GRM8: variants seen among roughly 807,000 people sequenced by gnomAD.
The protein encoded by GRM8 is metabotropic glutamate receptor 8.
Under a neutral mutation model 87.2 loss-of-function variants are expected in GRM8, and 47 were observed. The observed-to-expected ratio is 0.54, with a 90% confidence interval of 0.43 to 0.69. GRM8 has a LOEUF of 0.69. Ranked by LOEUF, GRM8 falls within the 30% of genes least tolerant of loss-of-function variation. The pLI is 0.00. For missense variants in GRM8, 1,019 were observed against 1,139.2 expected, an observed-to-expected ratio of 0.89 and a Z score of 1.52; for synonymous variants, 396 against 404.5, an observed-to-expected ratio of 0.98 and a Z score of 0.25.
intron 7 of GRM8, among the ~76,000 whole-genome samples, chr7:126,732,853 T>C (rs1344810629): frequency 6.6e-6 from 1 of 152,174 alleles, no homozygotes; most frequent in African/African-American, 2.4e-5. Flanking sequence ...AAATCCTGTT[T>C]AGTTTAAAGG....
intron 6 of GRM8, among the ~76,000 whole-genome samples, chr7:126,830,507 C>A (rs548243394): frequency 1.3e-5 from 2 of 152,210 alleles, no homozygotes; most frequent in African/African-American, 4.8e-5. Context: ...GCTCCTGAGG[C>A]GTCTGCATTC....
At chr7:127,011,871 CCCTCTAATCCAGCCTCTCATTTG>C (rs1814930912) in intron 3 of GRM8, among the ~76,000 whole-genome samples, 1 of 152,140 alleles carries the variant, frequency 6.6e-6, no homozygotes, top group Admixed American at 6.5e-5. Context: ...GCTACAGCTG[CCCTCTAATCCAGCCTCTCATTTG>C]AATTACTTTG....
chr7:126,883,034 C>T (rs1217639668), intron 6 of GRM8, among the ~76,000 whole-genome samples: 1 of 152,194 alleles, frequency 6.6e-6, no homozygotes, highest in Non-Finnish European at 1.5e-5. Flanking sequence ...ATGAAAACTA[C>T]AGTTCATGCC....
At chr7:127,058,572 C>T (rs1422861772) in intron 3 of GRM8, among the ~76,000 whole-genome samples, 1 of 152,108 alleles carries the variant, frequency 6.6e-6, no homozygotes, top group Non-Finnish European at 1.5e-5. Context: ...ATTTCTTGCC[C>T]TCAATGTCCA....
At chr7:127,144,559 A>G (rs1368877778) in intron 2 of GRM8, among the ~76,000 whole-genome samples, 1 of 152,190 alleles carries the variant, frequency 6.6e-6, no homozygotes, top group East Asian at 1.9e-4. Context: ...AATCATGACC[A>G]TTGTTAAAAG....
At chr7:126,977,639 C>T (rs2131830685) in intron 3 of GRM8, among the ~76,000 whole-genome samples, 1 of 152,286 alleles carries the variant, frequency 6.6e-6, no homozygotes, top group African/African-American at 2.4e-5. Flanking sequence ...GCTGAGTGCC[C>T]AGACTGTGAG....
rs148769373 is a variant in GRM8 at position 126,808,008 on chromosome 7, G to A, written c.1157-37943C>T. Among the ~76,000 whole-genome samples, 393 of 152,064 alleles carry A rather than the reference G, an allele frequency of 2.6e-3. 3 individuals are homozygous for A. The highest frequency in any genetic ancestry group is 9.0e-3 in the African/African-American group (372 of 41,478). The stretch of plus-strand genomic sequence containing the variant: ...CCCTCTTTCCACAATAAACCTCAGG[G>A]TAGAAAAAAATATCCTAGTCCTGAA... On this transcript the variant is annotated intron_variant, in intron 6 of 10. Coordinates refer to ENST00000339582, the MANE Select transcript of GRM8 (RefSeq NM_000845.3).
At chr7:126,855,877 G>A (rs1797635498) in intron 6 of GRM8, among the ~76,000 whole-genome samples, 1 of 152,050 alleles carries the variant, frequency 6.6e-6, no homozygotes, top group South Asian at 2.1e-4. Flanking sequence ...TAAAGTCCCT[G>A]GAACACAGCA....
chr7:126,761,095 C>G (rs11770640), intron 7 of GRM8, among the ~76,000 whole-genome samples: 125,431 of 152,002 alleles, frequency 0.83, 52,329 homozygotes, highest in Non-Finnish European at 0.89. Context: ...CCACTGGGGA[C>G]GCTGAGGAAA....
At chr7:127,159,759 G>A (rs139385297) in intron 2 of GRM8, among the ~76,000 whole-genome samples, 11 of 151,676 alleles carry the variant, frequency 7.3e-5, no homozygotes, top group Middle Eastern at 3.4e-3. Flanking sequence ...TAAGAGTTAC[G>A]GTTATTTAAA....
At chr7:126,900,494 TTTG>T (rs1415866823) in intron 6 of GRM8, among the ~76,000 whole-genome samples, 5 of 150,348 alleles carry the variant, frequency 3.3e-5, no homozygotes, top group African/African-American at 4.9e-5. Context: ...AGCTAGCTTT[TTTG>T]TTTGTTTGTT....
At chr7:126,963,340 T>C (rs187311149) in intron 3 of GRM8, among the ~76,000 whole-genome samples, 24 of 152,280 alleles carry the variant, frequency 1.6e-4, no homozygotes, top group Non-Finnish European at 2.4e-4. Flanking sequence ...CCCCAACACA[T>C]GCAATCAATA....
chr7:126,995,028 CCAGGTGGTT>C (rs1220041897), intron 3 of GRM8, among the ~76,000 whole-genome samples: 1 of 152,148 alleles, frequency 6.6e-6, no homozygotes, highest in Non-Finnish European at 1.5e-5. Flanking sequence ...ATCCCCAGCT[CCAGGTGGTT>C]CAGCACAGCA....
At chr7:126,834,847 C>A (rs1275031479) in intron 6 of GRM8, among the ~76,000 whole-genome samples, 1 of 151,982 alleles carries the variant, frequency 6.6e-6, no homozygotes, top group East Asian at 1.9e-4. Context: ...ACTGTAATCC[C>A]AGCACGTTGG....
At chr7:127,231,723 A>C (rs2116811523) in intron 2 of GRM8, among the ~76,000 whole-genome samples, 1 of 152,258 alleles carries the variant, frequency 6.6e-6, no homozygotes, top group East Asian at 1.9e-4. Flanking sequence ...TCCTTACCAC[A>C]CATGGAAAAG....
intron 7 of GRM8, among the ~76,000 whole-genome samples, chr7:126,724,534 C>T (rs1812752608): frequency 1.3e-5 from 2 of 152,098 alleles, no homozygotes; most frequent in Non-Finnish European, 2.9e-5. Flanking sequence ...AAGCAATCAG[C>T]CTTTTTCATG....
At chr7:126,585,063 T>A (rs891810620) in intron 8 of GRM8, among the ~76,000 whole-genome samples, 1 of 152,176 alleles carries the variant, frequency 6.6e-6, no homozygotes, top group Non-Finnish European at 1.5e-5. Flanking sequence ...TTAAACACTG[T>A]GAGTATAGCA....
chr7:126,967,062 G>A (rs541664970), intron 3 of GRM8, among the ~76,000 whole-genome samples: 1 of 152,288 alleles, frequency 6.6e-6, no homozygotes, highest in East Asian at 1.9e-4. Flanking sequence ...TATTCATCCT[G>A]AGAGATAGAA....
intron 7 of GRM8, among the ~76,000 whole-genome samples, chr7:126,768,427 T>G (rs1265809481): frequency 6.7e-6 from 1 of 149,062 alleles, no homozygotes. Context: ...CAAATCCTTT[T>G]AATAGCCATT....
Sources: gnomAD v4.1 joint callset for allele counts (sites outside exome capture counted in the v4.1 genomes callset) on GRCh38, gnomAD v4.1.1 for gene constraint, MANE v1.5 for transcripts, NCBI Gene and HGNC (gene_info 2026-07-23, HGNC 2026-07-21) for gene names.